The following RALGPS2 variants were observed in gnomAD, a reference collection of about 807,000 sequenced individuals.
RALGPS2 encodes ras-specific guanine nucleotide-releasing factor RalGPS2.
RALGPS2 carries 43 observed loss-of-function variants against 86.8 expected under a neutral mutation model. That is an observed-to-expected ratio of 0.50 (90% CI 0.39 to 0.64). The LOEUF is 0.64. RALGPS2 is among the 30% of genes least tolerant of loss of function. The pLI is 0.00. For missense variants in RALGPS2, 536 were observed against 694.6 expected, an observed-to-expected ratio of 0.77 and a Z score of 2.57; for synonymous variants, 243 against 231.3, an observed-to-expected ratio of 1.05 and a Z score of -0.46.
At chr1:178,735,794 A>G (rs1011048861) in intron 1 of RALGPS2, among the ~76,000 whole-genome samples, 1 of 152,208 alleles carries the variant, frequency 6.6e-6, no homozygotes, top group Non-Finnish European at 1.5e-5. Context: ...GTACTTATTT[A>G]AAAGTATTTG....
chr1:178,848,634 T>C (rs1457686626), intron 8 of RALGPS2, among the ~76,000 whole-genome samples: 2 of 152,210 alleles, frequency 1.3e-5, no homozygotes, highest in Non-Finnish European at 2.9e-5. Context: ...ATCAATGTAA[T>C]TTCATACCCG....
At chr1:178,889,568 T>A (rs1659633481) in intron 13 of RALGPS2, 74 bp from the exon 14 acceptor site, 4 of 973,578 alleles carry the variant, frequency 4.1e-6, no homozygotes, top group Non-Finnish European at 4.9e-6. Flanking sequence ...TTAATTAATT[T>A]ATTTTTACAT....
intron 8 of RALGPS2, chr1:178,865,378 G>C (rs1181425591): frequency 6.2e-7 from 1 of 1,613,900 alleles, no homozygotes; most frequent in African/African-American, 1.3e-5. Flanking sequence ...ATTGCATATA[G>C]AGTTGAGTAA....
chr1:178,727,479 A>T (rs1650089952), intron 1 of RALGPS2, among the ~76,000 whole-genome samples: 1 of 152,254 alleles, frequency 6.6e-6, no homozygotes, highest in African/African-American at 2.4e-5. Context: ...TTTGAAGATA[A>T]TGCTTGCATT....
chr1:178,912,069 A>T (rs1660651129), intron 19 of RALGPS2, among the ~76,000 whole-genome samples: 2 of 152,030 alleles, frequency 1.3e-5, no homozygotes, highest in Non-Finnish European at 1.5e-5. Flanking sequence ...CTTGCTCCTT[A>T]CCTTTACTTT....
chr1:178,890,852 T>A (rs1659686969), intron 14 of RALGPS2, among the ~76,000 whole-genome samples: 1 of 152,042 alleles, frequency 6.6e-6, no homozygotes. Flanking sequence ...TCTTGCAACC[T>A]TTACTTCTGA....
At chr1:178,876,135 C>CA (rs1658994711) in intron 8 of RALGPS2, among the ~76,000 whole-genome samples, 1 of 152,100 alleles carries the variant, frequency 6.6e-6, no homozygotes, top group Non-Finnish European at 1.5e-5. Context: ...CAAAACATTG[C>CA]ACAAGATTTT....
chr1:178,763,495 C>T (rs1652350263), intron 1 of RALGPS2, among the ~76,000 whole-genome samples: 2 of 152,140 alleles, frequency 1.3e-5, no homozygotes, highest in Admixed American at 1.3e-4. Context: ...AATGCTTTTC[C>T]ATTTGTTTGT....
chr1:178,794,334 G>T (rs12064534), intron 4 of RALGPS2, among the ~76,000 whole-genome samples: 28,495 of 151,948 alleles, frequency 0.19, 4,028 homozygotes, highest in African/African-American at 0.4. Flanking sequence ...GCCAGGCTGG[G>T]CTCAAACTCC....
At position 178,760,737 on chromosome 1, in the gene RALGPS2, A is replaced by G. The variant is rs187879952; in HGVS notation, c.-83-15945A>G. Among the ~76,000 whole-genome samples, 26 of 151,922 alleles carry G rather than the reference A, an allele frequency of 1.7e-4. No individual in the cohort carries two copies. The East Asian group carries it at 4.6e-3, about 27-fold the overall frequency. On this transcript the variant is annotated intron_variant, in intron 1 of 19. Coordinates refer to ENST00000367635, the MANE Select transcript of RALGPS2 (RefSeq NM_152663.5). ...CTTTAAGATTATTTCCTTAGCATTG[A>G]CCTTCAACAGTCTGGTGATGATATG...
chr1:178,811,097 A>G (rs1654954105), intron 5 of RALGPS2, among the ~76,000 whole-genome samples: 1 of 152,088 alleles, frequency 6.6e-6, no homozygotes. Context: ...ATTTACACCA[A>G]GAAAACCCTA....
At chr1:178,763,005 G>T (rs1246635821) in intron 1 of RALGPS2, among the ~76,000 whole-genome samples, 1 of 152,072 alleles carries the variant, frequency 6.6e-6, no homozygotes, top group Non-Finnish European at 1.5e-5. Flanking sequence ...TCCATCTTGA[G>T]TTGATTTTTG....
At chr1:178,865,411 T>C in intron 8 of RALGPS2, 1 of 1,614,020 alleles carries the variant, frequency 6.2e-7, no homozygotes, top group Non-Finnish European at 8.5e-7. Context: ...TGTTACGGCT[T>C]TCCTTTCTCA....
chr1:178,749,234 C>G (rs1021499961), intron 1 of RALGPS2, among the ~76,000 whole-genome samples: 1 of 151,374 alleles, frequency 6.6e-6, no homozygotes, highest in African/African-American at 2.4e-5. Flanking sequence ...CGCCTATAAT[C>G]CTAGCACTTT....
chr1:178,733,140 G>A (rs1011683497), intron 1 of RALGPS2, among the ~76,000 whole-genome samples: 14 of 152,044 alleles, frequency 9.2e-5, no homozygotes, highest in Non-Finnish European at 1.5e-4. Flanking sequence ...AACAAAACAT[G>A]GAAAAATATC....
chr1:178,792,986 T>G (rs1023932513), intron 4 of RALGPS2, among the ~76,000 whole-genome samples: 16 of 152,190 alleles, frequency 1.1e-4, no homozygotes, highest in African/African-American at 3.9e-4. Flanking sequence ...TTGCCATATA[T>G]TTTGCTGCTG....
intron 8 of RALGPS2, among the ~76,000 whole-genome samples, chr1:178,837,103 A>G (rs968211355): frequency 1.3e-5 from 2 of 152,052 alleles, no homozygotes; most frequent in African/African-American, 4.8e-5. Context: ...TTCTTACTCT[A>G]TATAATCGGA....
chr1:178,800,509 G>C (rs1188518473), intron 4 of RALGPS2, among the ~76,000 whole-genome samples: 2 of 151,342 alleles, frequency 1.3e-5, no homozygotes, highest in Non-Finnish European at 2.9e-5. Flanking sequence ...TTAACGAATA[G>C]TAAATTCTCT....
At chr1:178,795,762 A>G (rs1654159230) in intron 4 of RALGPS2, among the ~76,000 whole-genome samples, 1 of 152,186 alleles carries the variant, frequency 6.6e-6, no homozygotes, top group Non-Finnish European at 1.5e-5. Context: ...GATATTTCCG[A>G]CAGTATATAG....
Sources: gnomAD v4.1 joint callset for allele counts (sites outside exome capture counted in the v4.1 genomes callset) on GRCh38, gnomAD v4.1.1 for gene constraint, MANE v1.5 for transcripts, NCBI Gene and HGNC (gene_info 2026-07-23, HGNC 2026-07-21) for gene names.